The following R3HCC1 variants were observed in gnomAD, a reference collection of about 807,000 sequenced individuals.
R3HCC1 encodes the protein R3H domain and coiled-coil containing 1, also known as R3H and coiled-coil domain-containing protein 1.
R3HCC1 carries 32 observed loss-of-function variants against 40.0 expected under a neutral mutation model. The ratio of observed to expected loss-of-function variants is 0.80; its 90% CI spans 0.60 to 1.07. R3HCC1 has a LOEUF of 1.07. Ranked by LOEUF, R3HCC1 falls within the 50% of genes least tolerant of loss-of-function variation. R3HCC1 has a pLI of 0.00. For missense variants in R3HCC1, 586 were observed against 563.3 expected, an observed-to-expected ratio of 1.04 and a Z score of -0.41; for synonymous variants, 237 against 232.8, an observed-to-expected ratio of 1.02 and a Z score of -0.17.
At position 23,290,278 on chromosome 8, in the gene R3HCC1, C is replaced by G. The variant is rs1802837428; in HGVS notation, c.661C>G (p.Gln221Glu). The G allele has an allele frequency of 5.2e-6, 8 of 1,551,720 alleles. No homozygotes were observed. Among genetic ancestry groups the G allele is most frequent in the Non-Finnish European group, 7.0e-6 (8 of 1,146,988 alleles). ...CCCTGAGCCTCTGGGGCCTGAGAGTCAGTCAGGGAAGGGAGACATGGTGGA... is the reference window on the plus strand; with the variant it reads ...CCCTGAGCCTCTGGGGCCTGAGAGTGAGTCAGGGAAGGGAGACATGGTGGA... The change falls in exon 4 of 8, where the codon CAG becomes GAG. Residue 221 changes from glutamine (Q) to glutamate (E), a missense_variant. Coordinates refer to ENST00000265806, the MANE Select transcript of R3HCC1 (RefSeq NM_001136108.3).
chr8:23,296,010 T>TGTGGCCCGGCGGCTG lies in R3HCC1; in HGVS notation c.1246_1260dup (p.Arg416_Arg420dup), dbSNP rs781663177. Reference sequence around the variant, plus strand: ...AGGAGAGGCCACAGACAAATGCGACTGTGGCCCGGCGGCTGGTGGCCCGGG... The same window carrying TGTGGCCCGGCGGCTG: ...AGGAGAGGCCACAGACAAATGCGACTGTGGCCCGGCGGCTGGTGGCCCGGCGGCTGGTGGCCCGGG... On this transcript the variant is annotated inframe_insertion, in exon 8 of 8. Transcript: ENST00000265806. 90 of 1,550,844 alleles carry TGTGGCCCGGCGGCTG rather than the reference T, an allele frequency of 5.8e-5. No homozygotes were observed. Among genetic ancestry groups the TGTGGCCCGGCGGCTG allele is most frequent in the Non-Finnish European group, 7.7e-5 (88 of 1,146,932 alleles).
At position 23,291,523 on chromosome 8, in the gene R3HCC1, T is replaced by C; in HGVS notation, c.1015T>C (p.Ser339Pro). The C allele has an allele frequency of 3.9e-6, 6 of 1,550,886 alleles. No individual in the cohort carries two copies. Among genetic ancestry groups the C allele is most frequent in the Non-Finnish European group, 5.2e-6 (6 of 1,146,930 alleles). ...GACGGAGGACCTGCTGGCAACGTTT[T>C]CTGAGTTCCAGTGAGTGGTGGCTGG... is the stretch of plus-strand genomic sequence containing the variant. Residue 339 changes from serine to proline, a missense_variant, in exon 5 of 8, where the codon TCT (serine) becomes CCT (proline). Transcript: ENST00000265806.
At chr8:23,291,595 G>T in intron 5 of R3HCC1, 62 bp downstream of exon 5, 9 of 1,534,682 alleles carry the variant, frequency 5.9e-6, no homozygotes, top group Non-Finnish European at 7.9e-6. Context: ...TCTGTAGCTG[G>T]GGGTGCTTGC....
rs1015230898 is a variant in R3HCC1, at chr8:23,288,147, G to A, written c.-29G>A. 8.8e-6 allele frequency: 11 copies of A among 1,249,090 alleles called. No homozygotes were observed. The African/African-American group carries it at 1.6e-4, about 18-fold the overall frequency. The allele number at this position is 1,249,090 out of a possible 1,614,324, so 77.4% of individuals were successfully genotyped here. Reference sequence around the variant, plus strand: ...ACGCCGAGGGCGGCTGCGACGCGCCGAGAGGCCGCGGTGAGTGCAGCAGCA... The same window carrying A: ...ACGCCGAGGGCGGCTGCGACGCGCCAAGAGGCCGCGGTGAGTGCAGCAGCA... On this transcript the variant is annotated 5_prime_UTR_variant, in exon 1 of 8. Coordinates refer to ENST00000265806, the MANE Select transcript of R3HCC1 (RefSeq NM_001136108.3).
Position 23,291,465 on chromosome 8 carries a change from G to GGT in R3HCC1, c.958_959dup (p.Glu321Ter), listed in dbSNP as rs1563179372. 1 of 1,551,520 alleles carries GGT rather than the reference G, an allele frequency of 6.4e-7. No homozygotes were observed. The highest frequency in any genetic ancestry group is 2.0e-5 in the Admixed American group (1 of 50,998). ...CTGGAGAGAAGGACCTTGCCCACGT[G>GGT]GTAGAGATCTATGACTTTGAACCAG... On this transcript the variant is annotated frameshift_variant, in exon 5 of 8. Transcript: ENST00000265806. LOFTEE classifies it high-confidence loss of function.
chr8:23,289,261 C>T, intron 3 of R3HCC1, 108 bp downstream of exon 3: 1 of 1,236,438 alleles, frequency 8.1e-7, no homozygotes, highest in African/African-American at 1.5e-5. Context: ...GCTGGGACCC[C>T]CGGCTGCTGC....
chr8:23,294,811 G>A lies in R3HCC1; in HGVS notation c.1139G>A (p.Arg380Gln), dbSNP rs750604319. 17 of 1,551,290 alleles carry A rather than the reference G, an allele frequency of 1.1e-5. No homozygotes were observed. In the East Asian group the frequency reaches 1.7e-4, roughly 16 times the overall value. The change falls in exon 7 of 8, where the codon CGG becomes CAG. Residue 380 changes from arginine to glutamine, a missense_variant. By Grantham distance (43) the Arg-to-Gln change is conservative. Transcript: ENST00000265806. ...CGGGAGTTCTCGGTGCTCAAGATCC[G>A]GCCCCTCACACAGGGAACCAAGCAG...
intron 7 of R3HCC1, 36 bp downstream of exon 7, chr8:23,294,900 T>TGTGTGTGTGTGTGCGTGCGAGC: frequency 7.3e-7 from 1 of 1,362,920 alleles, no homozygotes; most frequent in Non-Finnish European, 1.0e-6. Context: ...AGGGAGGCTG[T>TGTGTGTGTGTGTGCGTGCGAGC]GTGTGTGTGT....
chr8:23,288,395 C>G, intron 1 of R3HCC1, 111 bp from the exon 2 acceptor site: 1 of 1,420,142 alleles, frequency 7.0e-7, no homozygotes, highest in Non-Finnish European at 9.4e-7. Flanking sequence ...TCCCCGCCAC[C>G]GAGCCTTGGA....
chr8:23,288,738 C>A, intron 2 of R3HCC1, 105 bp downstream of exon 2: 1 of 1,402,190 alleles, frequency 7.1e-7, no homozygotes, highest in South Asian at 1.3e-5. Context: ...TGGCTCTGAC[C>A]TTGGCCTTTA....
intron 5 of R3HCC1, among the ~76,000 whole-genome samples, chr8:23,292,240 A>G (rs1477618882): frequency 6.6e-6 from 1 of 151,200 alleles, no homozygotes; most frequent in East Asian, 1.9e-4. Flanking sequence ...TGATCCTCCC[A>G]CCTTCGTCTC....
intron 3 of R3HCC1, 134 bp from the exon 4 acceptor site, chr8:23,289,732 T>C: frequency 7.8e-7 from 1 of 1,283,768 alleles, no homozygotes; most frequent in Non-Finnish European, 1.0e-6. Flanking sequence ...TAAGGGATTT[T>C]CGAGGGTCAT....
chr8:23,290,964 G>A, intron 4 of R3HCC1: 2 of 207,474 alleles, frequency 9.6e-6, no homozygotes, highest in Non-Finnish European at 2.0e-5. Context: ...CCACAGACCT[G>A]CCAAATATCA....
intron 3 of R3HCC1, among the ~76,000 whole-genome samples, chr8:23,289,418 C>CG (rs1310026161): frequency 6.6e-6 from 1 of 152,274 alleles, no homozygotes; most frequent in African/African-American, 2.4e-5. Context: ...GGGTGTGTGG[C>CG]GGGGGGCCTC....
chr8:23,295,347 C>A (rs376219130), intron 7 of R3HCC1: 37 of 396,008 alleles, frequency 9.3e-5, no homozygotes, highest in African/African-American at 7.1e-4. Context: ...TAAGCAGACT[C>A]TTCAGTCTGA....
At chr8:23,290,495 G>T in intron 4 of R3HCC1, 26 bp downstream of exon 4, 1 of 1,530,820 alleles carries the variant, frequency 6.5e-7, no homozygotes. Flanking sequence ...AGCCCGAAAA[G>T]GGAGGGCGGA....
chr8:23,291,332 C>T (rs1268024597), intron 4 of R3HCC1, 29 bp from the exon 5 acceptor site: 3 of 1,539,740 alleles, frequency 1.9e-6, no homozygotes, highest in Non-Finnish European at 2.6e-6. Context: ...TGTCCAAGCT[C>T]CCCTTGCTAA....
In R3HCC1 at chr8:23,295,948, T is replaced by C. The variant is rs1803004936; in HGVS notation, c.1193-19T>C. On this transcript the variant is annotated intron_variant, in intron 7 of 7. Coordinates refer to ENST00000265806, the MANE Select transcript of R3HCC1 (RefSeq NM_001136108.3). ...CACGACCTTGTGTTTAGGTCCCCAC[T>C]GTGGGGCTTTCCTTCTAGAACTCCT... 6.5e-7 allele frequency: 1 copy of C among 1,545,108 alleles called. No homozygotes were observed. Among genetic ancestry groups the C allele is most frequent in the Non-Finnish European group, 8.7e-7 (1 of 1,143,514 alleles).
intron 5 of R3HCC1, among the ~76,000 whole-genome samples, chr8:23,292,718 C>G (rs999925304): frequency 3.9e-5 from 6 of 152,206 alleles, no homozygotes; most frequent in Non-Finnish European, 7.3e-5. Flanking sequence ...GCAGGAGAGC[C>G]GAAGGGGTGG....
Sources: gnomAD v4.1 joint callset for allele counts (sites outside exome capture counted in the v4.1 genomes callset) on GRCh38, gnomAD v4.1.1 for gene constraint, MANE v1.5 for transcripts, NCBI Gene and HGNC (gene_info 2026-07-23, HGNC 2026-07-21) for gene names.